Variants in PGPEP1L observed in about 807,000 individuals in gnomAD.
The protein encoded by PGPEP1L is pyroglutamyl-peptidase 1-like protein.
A neutral mutation model predicts 6.0 loss-of-function variants in PGPEP1L; 7 were observed. The observed-to-expected ratio is 1.17, with a 90% CI of 0.66 to 2.19. The LOEUF is 2.19. Among genes scored for constraint, PGPEP1L ranks in the 30% most tolerant of loss-of-function variants. The probability of loss-of-function intolerance (pLI) is 0.00; values close to 1 mark genes in which losing one functional copy is unlikely to be tolerated. For synonymous variants in PGPEP1L, 103 were observed against 83.9 expected (o/e 1.23, Z -1.24); for missense variants, 209 against 192.5 (o/e 1.09, Z -0.51).
intron 2 of PGPEP1L, among the ~76,000 whole-genome samples, chr15:99,004,712 G>A (rs1419617314): frequency 4.6e-5 from 7 of 152,186 alleles, no homozygotes; most frequent in African/African-American, 1.7e-4. Context: ...ACAAGACTCT[G>A]TCTCAAAAAA....
intron 2 of PGPEP1L, among the ~76,000 whole-genome samples, chr15:98,995,523 C>A (rs2017875916): frequency 6.6e-6 from 1 of 152,098 alleles, no homozygotes; most frequent in African/African-American, 2.4e-5. Flanking sequence ...CATAGTGAAA[C>A]CCCATCTCTA....
intron 2 of PGPEP1L, among the ~76,000 whole-genome samples, chr15:98,999,184 G>A (rs1201376330): frequency 6.6e-6 from 1 of 152,104 alleles, no homozygotes; most frequent in South Asian, 2.1e-4. Context: ...GAAAATAGTT[G>A]CAAATCATGT....
intron 2 of PGPEP1L, among the ~76,000 whole-genome samples, chr15:99,002,620 C>T (rs1343109383): frequency 1.3e-5 from 2 of 150,900 alleles, no homozygotes; most frequent in Non-Finnish European, 2.9e-5. Context: ...AACCTCTGTA[C>T]ACTTCTTGGC....
At chr15:99,005,893 T>C (rs541629342) in intron 1 of PGPEP1L, among the ~76,000 whole-genome samples, 1 of 152,306 alleles carries the variant, frequency 6.6e-6, no homozygotes, top group South Asian at 2.1e-4. Flanking sequence ...CTAGGAACTG[T>C]GGGCTACCCT....
intron 2 of PGPEP1L, among the ~76,000 whole-genome samples, chr15:98,990,212 T>C (rs1214747207): frequency 6.6e-6 from 1 of 151,236 alleles, no homozygotes; most frequent in Non-Finnish European, 1.5e-5. Flanking sequence ...TCAAGACCCA[T>C]TGGTGTCTCA....
At chr15:98,975,613 G>A (rs574028747) in intron 2 of PGPEP1L, among the ~76,000 whole-genome samples, 1 of 152,240 alleles carries the variant, frequency 6.6e-6, no homozygotes, top group South Asian at 2.1e-4. Context: ...GGGCATGGTC[G>A]CTCACGCCTG....
chr15:98,991,654 A>G (rs2017821657), intron 2 of PGPEP1L, among the ~76,000 whole-genome samples: 1 of 152,212 alleles, frequency 6.6e-6, no homozygotes, highest in South Asian at 2.1e-4. Flanking sequence ...ACAACAAAAA[A>G]AGAGAATTTC....
intron 2 of PGPEP1L, among the ~76,000 whole-genome samples, chr15:98,981,968 G>A (rs924568578): frequency 6.6e-6 from 1 of 152,156 alleles, no homozygotes; most frequent in Non-Finnish European, 1.5e-5. Context: ...GAAAAATGTG[G>A]GGGTCATTCT....
At chr15:98,993,445 CA>C (rs2017844620) in intron 2 of PGPEP1L, among the ~76,000 whole-genome samples, 1 of 152,118 alleles carries the variant, frequency 6.6e-6, no homozygotes, top group Non-Finnish European at 1.5e-5. Context: ...AGTCAGGAAA[CA>C]ACAGATGCTG....
At chr15:98,996,386 T>C (rs1004285100) in intron 2 of PGPEP1L, among the ~76,000 whole-genome samples, 2 of 152,196 alleles carry the variant, frequency 1.3e-5, no homozygotes, top group Non-Finnish European at 2.9e-5. Context: ...CCACCCCCCT[T>C]GCTGCTCACA....
At chr15:98,974,245 G>T (rs2017537167) in intron 2 of PGPEP1L, among the ~76,000 whole-genome samples, 1 of 152,076 alleles carries the variant, frequency 6.6e-6, no homozygotes, top group Admixed American at 6.6e-5. Context: ...TAGGCCTGCT[G>T]GCGCACGCCT....
intron 2 of PGPEP1L, among the ~76,000 whole-genome samples, chr15:98,981,966 T>G (rs2017670766): frequency 6.6e-6 from 1 of 152,092 alleles, no homozygotes; most frequent in Admixed American, 6.5e-5. Flanking sequence ...GGGAAAAATG[T>G]GGGGGTCATT....
chr15:98,968,322 A>G lies in PGPEP1L; in HGVS notation c.*156T>C, dbSNP rs1409650151. 1.4e-6 allele frequency: 1 copy of G among 703,792 alleles called. No individual in the cohort carries two copies. The highest frequency in any genetic ancestry group is 2.7e-5 in the East Asian group (1 of 36,776). The allele number at this position is 703,792 out of a possible 1,614,324, so 43.6% of individuals were successfully genotyped here. ...ACCTTTCAGAGTGTTCTTTCTCCTGACAATAAAATAACCCTTTGTGATTTT... is the reference window on the plus strand; with the variant it reads ...ACCTTTCAGAGTGTTCTTTCTCCTGGCAATAAAATAACCCTTTGTGATTTT... On this transcript the variant is annotated 3_prime_UTR_variant, in exon 5 of 5. Transcript: ENST00000535714.
At chr15:98,992,635 C>T (rs1225519546) in intron 2 of PGPEP1L, among the ~76,000 whole-genome samples, 6 of 152,142 alleles carry the variant, frequency 3.9e-5, no homozygotes, top group Admixed American at 1.3e-4. Context: ...GCCTGCATAG[C>T]CAAGACAATC....
intron 2 of PGPEP1L, among the ~76,000 whole-genome samples, chr15:98,999,569 G>A (rs1317497877): frequency 1.3e-5 from 2 of 152,100 alleles, no homozygotes; most frequent in Non-Finnish European, 2.9e-5. Flanking sequence ...TTGCACTCCT[G>A]GACATTTATC....
chr15:98,996,242 A>T (rs576417367), intron 2 of PGPEP1L, among the ~76,000 whole-genome samples: 40 of 152,272 alleles, frequency 2.6e-4, no homozygotes, highest in African/African-American at 9.6e-4. Flanking sequence ...GGAAATTGAC[A>T]TTTAGTTTAT....
At chr15:99,005,868 C>G (rs140008392) in intron 1 of PGPEP1L, among the ~76,000 whole-genome samples, 94 of 152,270 alleles carry the variant, frequency 6.2e-4, no homozygotes, top group African/African-American at 2.1e-3. Context: ...ACATGGTGCT[C>G]AAAGAGGTAC....
In PGPEP1L at chr15:98,975,670, C is replaced by T. The variant is rs2017557959; in HGVS notation, c.-141-4512G>A. ...CCGAGACGGGCGGATCACTTGATGT[C>T]AGGAGTTTGAGACCAGCCTGGCCAA... On this transcript the variant is annotated intron_variant, in intron 2 of 4. Transcript: ENST00000535714. Among the ~76,000 whole-genome samples the T allele has an allele frequency of 2.0e-5, 3 of 152,140 alleles. No individual in the cohort carries two copies. In the South Asian group the frequency reaches 6.2e-4, roughly 31 times the overall value.
Position 98,971,174 on chromosome 15 carries a change from G to A in PGPEP1L, c.-141-16C>T, listed in dbSNP as rs1253797806. On this transcript the variant is annotated splice_polypyrimidine_tract_variant and intron_variant, in intron 2 of 4. Coordinates refer to ENST00000535714, the MANE Select transcript of PGPEP1L (RefSeq NM_001167902.2). ...TGGAGAGCTCCTGAGGAAAGCGGCA[G>A]GTGGACTTGCCTCAGTTGATGGGGG... 2 of 1,364,424 alleles carry A rather than the reference G, an allele frequency of 1.5e-6. No homozygotes were observed. The highest frequency in any genetic ancestry group is 1.2e-5 in the South Asian group (1 of 81,936). 84.5% of individuals were successfully genotyped at this position (1,364,424 alleles called of 1,614,324 possible).
Sources: gnomAD v4.1 joint callset for allele counts (sites outside exome capture counted in the v4.1 genomes callset) on GRCh38, gnomAD v4.1.1 for gene constraint, MANE v1.5 for transcripts, NCBI Gene and HGNC (gene_info 2026-07-23, HGNC 2026-07-21) for gene names.